The following DIP2C variants were observed in gnomAD, a reference collection of about 807,000 sequenced individuals.
DIP2C encodes the protein DIP2 acetate--CoA ligase C (putative).
A neutral mutation model predicts 192.4 loss-of-function variants in DIP2C; 33 were observed. The observed-to-expected ratio is 0.17, with a 90% confidence interval of 0.13 to 0.23. The LOEUF is 0.23. DIP2C is among the 10% of genes least tolerant of loss of function. DIP2C has a pLI of 1.00. For missense variants in DIP2C, 1,537 were observed against 2,110.1 expected (o/e 0.73, Z 5.32); for synonymous variants, 979 against 864.1 (o/e 1.13, Z -2.33).
At chr10:305,026 CATAT>C (rs35038986) in intron 32 of DIP2C, among the ~76,000 whole-genome samples, 20 of 152,142 alleles carry the variant, frequency 1.3e-4, no homozygotes, top group East Asian at 3.9e-4. Flanking sequence ...ACTCATGACA[CATAT>C]ATGCACGTGT....
chr10:472,623 C>T, intron 2 of DIP2C, 74 bp from the exon 3 acceptor site: 1 of 1,297,840 alleles, frequency 7.7e-7, no homozygotes, highest in South Asian at 1.2e-5. Context: ...ACAAATCATG[C>T]CCTCCATCCC....
intron 1 of DIP2C, among the ~76,000 whole-genome samples, chr10:617,376 A>G (rs1234000252): frequency 1.3e-5 from 2 of 152,132 alleles, no homozygotes; most frequent in Non-Finnish European, 1.5e-5. Context: ...CAAATGTGAG[A>G]TGGGAATGGT....
intron 1 of DIP2C, among the ~76,000 whole-genome samples, chr10:678,554 A>ACACCCG (rs1830957583): frequency 1.4e-5 from 2 of 143,790 alleles, no homozygotes; most frequent in African/African-American, 5.5e-5. Context: ...TCTGCTCCCC[A>ACACCCG]TGCCCATGCT....
intron 36 of DIP2C, among the ~76,000 whole-genome samples, chr10:280,103 T>C (rs1954734175): frequency 6.6e-6 from 1 of 151,938 alleles, no homozygotes; most frequent in East Asian, 2.0e-4. Flanking sequence ...GTCAAGGAAA[T>C]CGACAATCTG....
chr10:569,598 C>T (rs1588481030), intron 1 of DIP2C, among the ~76,000 whole-genome samples: 3 of 152,080 alleles, frequency 2.0e-5, no homozygotes, highest in South Asian at 2.1e-4. Flanking sequence ...GTTTTATATT[C>T]TTTTTTAAAA....
In DIP2C at chr10:604,750, G is replaced by GA. The variant is rs1210443831; in HGVS notation, c.85+84743dup. 1.4e-4 allele frequency among the ~76,000 whole-genome samples: 22 copies of GA among 152,262 alleles called. No individual in the cohort carries two copies. The East Asian group carries it at 2.5e-3, about 17-fold the overall frequency. ...ATATAAACTAAATGGGTATATTAAA[G>GA]AAAAAAGACAAATGTTTAATTTAGG... On this transcript the variant is annotated intron_variant, in intron 1 of 36. Transcript: ENST00000280886.
chr10:290,671 C>T (rs182781350), intron 32 of DIP2C, among the ~76,000 whole-genome samples: 1 of 152,292 alleles, frequency 6.6e-6, no homozygotes, highest in Admixed American at 6.5e-5. Context: ...CTGGCCGGGG[C>T]AGCGGTGAGA....
Position 331,838 on chromosome 10 carries a change from T to C in DIP2C, c.3585-2237A>G, listed in dbSNP as rs374996926. 4.5e-3 allele frequency among the ~76,000 whole-genome samples: 686 copies of C among 152,336 alleles called. 2 individuals carry two copies. The highest frequency in any genetic ancestry group is 7.2e-3 in the South Asian group (35 of 4,828). ...AATATCAGGCCTCGAATTTTTACTC[T>C]GCTGTAAACTGGCCATTTCATCTTA... On this transcript the variant is annotated intron_variant, in intron 29 of 36. Coordinates refer to ENST00000280886, the MANE Select transcript of DIP2C (RefSeq NM_014974.3).
Position 434,666 on chromosome 10 carries a change from G to C in DIP2C, c.394+6205C>G, listed in dbSNP as rs1042160854. Reference sequence around the variant, plus strand: ...CACTTTTTGCAAGGCAGGTCTACTGGCAACAAATTTCTCAATTTTTCTCTG... The same window carrying C: ...CACTTTTTGCAAGGCAGGTCTACTGCCAACAAATTTCTCAATTTTTCTCTG... On this transcript the variant is annotated intron_variant, in intron 4 of 36. Coordinates refer to ENST00000280886, the MANE Select transcript of DIP2C (RefSeq NM_014974.3). Among the ~76,000 whole-genome samples the C allele has an allele frequency of 1.1e-4, 16 of 152,146 alleles. No homozygotes were observed. In the East Asian group the frequency reaches 3.1e-3, roughly 29 times the overall value.
intron 14 of DIP2C, among the ~76,000 whole-genome samples, chr10:386,823 T>C (rs1013235456): frequency 3.1e-4 from 47 of 151,768 alleles, no homozygotes; most frequent in African/African-American, 1.1e-3. Context: ...GAAAAATGAG[T>C]GAAAATTACC....
intron 31 of DIP2C, among the ~76,000 whole-genome samples, chr10:315,083 G>T (rs1956719200): frequency 6.6e-6 from 1 of 152,076 alleles, no homozygotes; most frequent in South Asian, 2.1e-4. Flanking sequence ...TTTTTTGAAT[G>T]ATTTATTGCA....
chr10:663,144 G>A, intron 1 of DIP2C: 2 of 488,606 alleles, frequency 4.1e-6, no homozygotes, highest in Admixed American at 3.6e-5. Context: ...CCTCAGCATG[G>A]GTGAGTTTCT....
rs187342831 is a variant in DIP2C, at chr10:459,180, C to G, written c.268+13259G>C. 1.2e-3 allele frequency among the ~76,000 whole-genome samples: 182 copies of G among 152,298 alleles called. 1 individual carries two copies. The highest frequency in any genetic ancestry group is 5.4e-4 in the Non-Finnish European group (37 of 68,018). On this transcript the variant is annotated intron_variant, in intron 3 of 36. Coordinates refer to ENST00000280886, the MANE Select transcript of DIP2C (RefSeq NM_014974.3). ...CAAGATGTCACAGTCACAGAATCCA[C>G]TGGCTCTCAGAACCCTCCCCCACCC...
chr10:389,208 T>TTC (rs1213688371), intron 13 of DIP2C, among the ~76,000 whole-genome samples: 1 of 147,792 alleles, frequency 6.8e-6, no homozygotes, highest in African/African-American at 2.5e-5. Flanking sequence ...GGCATGGGGG[T>TTC]TCTCAAGGGG....
chr10:515,479 T>C (rs1236394260), intron 1 of DIP2C, among the ~76,000 whole-genome samples: 1 of 152,144 alleles, frequency 6.6e-6, no homozygotes, highest in African/African-American at 2.4e-5. Context: ...TCCCAGCACT[T>C]TGGGAGGCCA....
intron 31 of DIP2C, among the ~76,000 whole-genome samples, chr10:315,558 T>G (rs1450391539): frequency 6.6e-6 from 1 of 152,214 alleles, no homozygotes; most frequent in Admixed American, 6.5e-5. Flanking sequence ...GAACTCAGTG[T>G]TGTTTTTATT....
rs1456115114 is a variant in DIP2C at position 375,545 on chromosome 10, A to C, written c.1992-5912T>G. Among the ~76,000 whole-genome samples the C allele has an allele frequency of 9.9e-5, 15 of 152,250 alleles. 1 individual carries two copies. In the South Asian group the frequency reaches 2.7e-3, roughly 27 times the overall value. On this transcript the variant is annotated intron_variant, in intron 17 of 36. Coordinates refer to ENST00000280886, the MANE Select transcript of DIP2C (RefSeq NM_014974.3). ...CAATGTGGCCTCACGAGGAATGTAC[A>C]CTATGGCTTCCATTGAACCATTTGC...
chr10:623,132 G>A lies in DIP2C; in HGVS notation c.85+66362C>T, dbSNP rs146800578. ...CAGGGAGCCAGTGAGGTGGCTGCAC[G>A]GAGCACGCGTGTGAAGATTCAGGAG... On this transcript the variant is annotated intron_variant, in intron 1 of 36. Transcript: ENST00000280886. Among the ~76,000 whole-genome samples the A allele has an allele frequency of 6.0e-3, 913 of 152,306 alleles. 6 individuals carry two copies. Among genetic ancestry groups the A allele is most frequent in the Non-Finnish European group, 8.5e-3 (578 of 68,036 alleles).
chr10:589,361 T>C (rs1265524003), intron 1 of DIP2C, among the ~76,000 whole-genome samples: 1 of 152,172 alleles, frequency 6.6e-6, no homozygotes, highest in Non-Finnish European at 1.5e-5. Context: ...CTTGTTTTCT[T>C]CCCTATGGAT....
Sources: allele counts gnomAD v4.1 joint callset (sites outside exome capture counted in the v4.1 genomes callset), GRCh38; gene constraint gnomAD v4.1.1; transcripts MANE v1.5; gene names NCBI Gene and HGNC (gene_info 2026-07-23, HGNC 2026-07-21).